RAB11FIP4: variants seen among roughly 807,000 people sequenced by gnomAD.
RAB11FIP4 encodes the protein rab11 family-interacting protein 4.
A neutral mutation model predicts 74.3 loss-of-function variants in RAB11FIP4; 23 were observed. The ratio of observed to expected loss-of-function variants is 0.31; its 90% CI spans 0.22 to 0.44. The LOEUF (loss-of-function observed/expected upper bound fraction) is 0.44. Among genes scored for constraint, RAB11FIP4 ranks in the 20% least tolerant of loss-of-function variants. The pLI is 1.00. For missense variants in RAB11FIP4, 630 were observed against 863.9 expected, an observed-to-expected ratio of 0.73 and a Z score of 3.39; for synonymous variants, 360 against 359.9, an observed-to-expected ratio of 1.00 and a Z score of 0.00.
chr17:31,401,422 C>T (rs987403326), intron 1 of RAB11FIP4, among the ~76,000 whole-genome samples: 1 of 152,232 alleles, frequency 6.6e-6, no homozygotes, highest in Non-Finnish European at 1.5e-5. Flanking sequence ...CTTCTGTGCC[C>T]TTGAGGGCAG....
At chr17:31,485,214 CA>C (rs2071889713) in intron 3 of RAB11FIP4, among the ~76,000 whole-genome samples, 1 of 152,232 alleles carries the variant, frequency 6.6e-6, no homozygotes, top group Non-Finnish European at 1.5e-5. Context: ...TGGAACCGGG[CA>C]GGCTTCAAAC....
intron 3 of RAB11FIP4, among the ~76,000 whole-genome samples, chr17:31,494,368 G>A (rs1349651247): frequency 1.3e-5 from 2 of 151,992 alleles, no homozygotes; most frequent in Admixed American, 6.6e-5. Context: ...CAGGGTTCGT[G>A]GTAAGGCTCA....
intron 3 of RAB11FIP4, among the ~76,000 whole-genome samples, chr17:31,466,296 C>T (rs550281237): frequency 8.0e-4 from 121 of 152,130 alleles, no homozygotes; most frequent in Non-Finnish European, 1.4e-3. Flanking sequence ...CCAGGCAGCC[C>T]GGGATTGATT....
At chr17:31,460,947 C>G (rs748722905) in intron 3 of RAB11FIP4, among the ~76,000 whole-genome samples, 1 of 152,048 alleles carries the variant, frequency 6.6e-6, no homozygotes, top group Non-Finnish European at 1.5e-5. Context: ...AGCTAGTTTA[C>G]AGCATTGTGC....
chr17:31,510,350 G>A (rs1041590863), intron 3 of RAB11FIP4, among the ~76,000 whole-genome samples: 2 of 152,232 alleles, frequency 1.3e-5, no homozygotes, highest in Admixed American at 1.3e-4. Context: ...CTTAGTGTGT[G>A]TCCACCCCCA....
chr17:31,536,951 C>T lies in RAB11FIP4; in HGVS notation c.*5219C>T. 5.0e-6 allele frequency: 2 copies of T among 399,126 alleles called. No individual in the cohort carries two copies. The highest frequency in any genetic ancestry group is 4.4e-6 in the Non-Finnish European group (1 of 226,122). The allele number at this position is 399,126 out of a possible 1,614,324, so 24.7% of individuals were successfully genotyped here. A position where few individuals can be genotyped will look rare whatever the true frequency, so the allele number is the denominator to read the frequency against. On this transcript the variant is annotated 3_prime_UTR_variant, in exon 15 of 15. Transcript: ENST00000621161. The stretch of plus-strand genomic sequence containing the variant: ...CCCCGACCTCGTAGGTTGCTCCTTT[C>T]CCCATCTGTAAGGTAGAGATGTCTG...
intron 3 of RAB11FIP4, among the ~76,000 whole-genome samples, chr17:31,494,345 A>G (rs868510497): frequency 3.3e-5 from 5 of 152,008 alleles, no homozygotes; most frequent in African/African-American, 1.2e-4. Flanking sequence ...GGATGAGGCT[A>G]GTACCTCCCT....
At chr17:31,402,909 G>A (rs536615519) in intron 1 of RAB11FIP4, among the ~76,000 whole-genome samples, 3 of 152,230 alleles carry the variant, frequency 2.0e-5, no homozygotes, top group South Asian at 2.1e-4. Context: ...ACAGGCGTGA[G>A]CCACCGCGCC....
intron 1 of RAB11FIP4, among the ~76,000 whole-genome samples, chr17:31,429,939 A>G (rs2071291063): frequency 6.6e-6 from 1 of 152,182 alleles, no homozygotes; most frequent in South Asian, 2.1e-4. Flanking sequence ...TTCCCAAATA[A>G]ACGCTATTTC....
chr17:31,422,538 A>G (rs1338598784), intron 1 of RAB11FIP4, among the ~76,000 whole-genome samples: 1 of 152,104 alleles, frequency 6.6e-6, no homozygotes, highest in Non-Finnish European at 1.5e-5. Flanking sequence ...TTAGGGACAT[A>G]TGCATTTAGG....
chr17:31,438,368 T>C (rs2071379452), intron 3 of RAB11FIP4, among the ~76,000 whole-genome samples: 1 of 151,982 alleles, frequency 6.6e-6, no homozygotes, highest in Non-Finnish European at 1.5e-5. Flanking sequence ...GTGGATGAAA[T>C]GGAGAGGGCA....
intron 3 of RAB11FIP4, among the ~76,000 whole-genome samples, chr17:31,442,100 G>A (rs570238653): frequency 8.6e-5 from 13 of 151,890 alleles, no homozygotes; most frequent in African/African-American, 2.4e-4. Flanking sequence ...CTGGGTTCAC[G>A]CCATTCTCCT....
rs2072871830 is a variant in RAB11FIP4, at chr17:31,531,556, GA to G, written c.1798-59del. The G allele has an allele frequency of 1.4e-5, 16 of 1,139,712 alleles. No homozygotes were observed. In the East Asian group the frequency reaches 3.7e-4, roughly 27 times the overall value. 70.6% of individuals were successfully genotyped at this position (1,139,712 alleles called of 1,614,324 possible). On this transcript the variant is annotated intron_variant, in intron 14 of 14. Coordinates refer to ENST00000621161, the MANE Select transcript of RAB11FIP4 (RefSeq NM_032932.6). Reference sequence around the variant, plus strand: ...GGCCTGCGACAAGCCTGGGAGTCTGGACTCTGCCTGCACCCTATCCCAGGCC... The same window carrying G: ...GGCCTGCGACAAGCCTGGGAGTCTGGCTCTGCCTGCACCCTATCCCAGGCC...
At chr17:31,527,368 G>T in intron 10 of RAB11FIP4, 1 of 153,826 alleles carries the variant, frequency 6.5e-6, no homozygotes, top group South Asian at 2.0e-4. Flanking sequence ...GGGAGGCCAA[G>T]GTGGGCGGAT....
chr17:31,490,530 A>G lies in RAB11FIP4; in HGVS notation c.337-27121A>G, dbSNP rs982514789. 2.6e-5 allele frequency among the ~76,000 whole-genome samples: 4 copies of G among 151,906 alleles called. No homozygotes were observed. In the South Asian group the frequency reaches 8.3e-4, roughly 32 times the overall value. On this transcript the variant is annotated intron_variant, in intron 3 of 14. Transcript: ENST00000621161. ...CATGCTGTTTCCTGGCACAGGGCTCATTGTGTTTGAAAAGGAAGCATCTTT... is the reference window on the plus strand; with the variant it reads ...CATGCTGTTTCCTGGCACAGGGCTCGTTGTGTTTGAAAAGGAAGCATCTTT...
chr17:31,431,412 G>GGAACAA (rs1353606471), intron 1 of RAB11FIP4: 1 of 183,812 alleles, frequency 5.4e-6, no homozygotes, highest in Admixed American at 6.4e-5. Flanking sequence ...GCCAGCACCT[G>GGAACAA]GAACAAGAAA....
intron 3 of RAB11FIP4, among the ~76,000 whole-genome samples, chr17:31,437,265 A>C (rs915887694): frequency 2.6e-5 from 4 of 152,096 alleles, no homozygotes; most frequent in Non-Finnish European, 5.9e-5. Context: ...AGGGGGCACA[A>C]TCCGAAGACC....
At chr17:31,424,856 T>C (rs1465582613) in intron 1 of RAB11FIP4, among the ~76,000 whole-genome samples, 6 of 152,186 alleles carry the variant, frequency 3.9e-5, no homozygotes, top group South Asian at 2.1e-4. Flanking sequence ...GGATTACAGG[T>C]ATGAGCCACT....
At chr17:31,477,541 G>A (rs924329689) in intron 3 of RAB11FIP4, among the ~76,000 whole-genome samples, 7 of 152,232 alleles carry the variant, frequency 4.6e-5, no homozygotes, top group Admixed American at 2.6e-4. Context: ...CGTCAGAGGC[G>A]CCTGGACAGG....
Sources: gnomAD v4.1 joint callset for allele counts (sites outside exome capture counted in the v4.1 genomes callset) on GRCh38, gnomAD v4.1.1 for gene constraint, MANE v1.5 for transcripts, NCBI Gene and HGNC (gene_info 2026-07-23, HGNC 2026-07-21) for gene names.